The following KCNK13 variants were observed in gnomAD, a reference collection of about 807,000 sequenced individuals.
KCNK13 encodes potassium two pore domain channel subfamily K member 13, also known as potassium channel subfamily K member 13.
Under a neutral mutation model 23.4 loss-of-function variants are expected in KCNK13, and 12 were observed. The ratio of observed to expected loss-of-function variants is 0.51; its 90% CI spans 0.33 to 0.83. The LOEUF (loss-of-function observed/expected upper bound fraction) is 0.83, where lower values mean the gene tolerates loss of function less well. KCNK13 is among the 40% of genes least tolerant of loss of function. The pLI is 0.02. For missense variants in KCNK13, 463 were observed against 556.3 expected, an observed-to-expected ratio of 0.83 and a Z score of 1.69; for synonymous variants, 231 against 229.5, an observed-to-expected ratio of 1.01 and a Z score of -0.06.
chr14:90,130,452 G>A (rs1286796), intron 1 of KCNK13, among the ~76,000 whole-genome samples: 266 of 151,562 alleles, frequency 1.8e-3, no homozygotes, highest in African/African-American at 6.1e-3. Context: ...TGCCCGCCTC[G>A]GCCTCCCAAA....
At chr14:90,091,386 T>C (rs187821228) in intron 1 of KCNK13, among the ~76,000 whole-genome samples, 1 of 152,300 alleles carries the variant, frequency 6.6e-6, no homozygotes, top group East Asian at 1.9e-4. Flanking sequence ...GGTTTTCCTA[T>C]GGGAAATTAA....
chr14:90,169,719 G>T (rs987374624), intron 1 of KCNK13, among the ~76,000 whole-genome samples: 2 of 152,098 alleles, frequency 1.3e-5, no homozygotes, highest in Admixed American at 6.5e-5. Context: ...ATAACTCCTA[G>T]CATACATATC....
intron 1 of KCNK13, among the ~76,000 whole-genome samples, chr14:90,135,298 G>A (rs867080843): frequency 5.9e-5 from 9 of 152,250 alleles, no homozygotes; most frequent in South Asian, 2.1e-4. Context: ...GCCGTCAAGC[G>A]TCTCCTTGGG....
intron 1 of KCNK13, among the ~76,000 whole-genome samples, chr14:90,102,493 C>G (rs1295906382): frequency 6.6e-6 from 1 of 152,216 alleles, no homozygotes; most frequent in Non-Finnish European, 1.5e-5. Context: ...CACCCATCAT[C>G]TCAATCCCTA....
chr14:90,085,772 ATATATAT>A (rs1290548957), intron 1 of KCNK13, among the ~76,000 whole-genome samples: 64 of 116,848 alleles, frequency 5.5e-4, no homozygotes, highest in African/African-American at 1.9e-3. Context: ...TATATAAATT[ATATATAT>A]TATATATTAT....
rs532128506 is a variant in KCNK13, at chr14:90,063,630, C to T, written c.334+1091C>T. The stretch of plus-strand genomic sequence containing the variant: ...AACAGCCCAGGGTGCATGTGCTGAG[C>T]GCTCTGTAGCTACTGCCCCTGTGCA... On this transcript the variant is annotated intron_variant, in intron 1 of 1. Coordinates refer to ENST00000282146, the MANE Select transcript of KCNK13 (RefSeq NM_022054.4). Among the ~76,000 whole-genome samples the T allele has an allele frequency of 1.4e-4, 21 of 152,254 alleles. No homozygotes were observed. In the South Asian group the frequency reaches 3.1e-3, roughly 23 times the overall value.
chr14:90,098,139 A>G (rs2140404677), intron 1 of KCNK13, among the ~76,000 whole-genome samples: 1 of 152,352 alleles, frequency 6.6e-6, no homozygotes, highest in East Asian at 1.9e-4. Flanking sequence ...GGTTCCTCAT[A>G]GACTTTAAAA....
intron 1 of KCNK13, among the ~76,000 whole-genome samples, chr14:90,140,204 A>G (rs1889989110): frequency 6.6e-6 from 1 of 152,046 alleles, no homozygotes; most frequent in South Asian, 2.1e-4. Flanking sequence ...GAACAGGGAG[A>G]AAAACCACAC....
intron 1 of KCNK13, among the ~76,000 whole-genome samples, chr14:90,156,511 G>A (rs940512844): frequency 2.4e-4 from 37 of 152,160 alleles, no homozygotes; most frequent in Non-Finnish European, 7.3e-5. Context: ...GGTTTTGCAA[G>A]GGAGCAATTG....
intron 1 of KCNK13, among the ~76,000 whole-genome samples, chr14:90,148,369 C>G (rs1224646748): frequency 6.6e-6 from 1 of 152,230 alleles, no homozygotes; most frequent in East Asian, 1.9e-4. Context: ...GAGATCCTCT[C>G]CCTGCCTTCA....
intron 1 of KCNK13, among the ~76,000 whole-genome samples, chr14:90,085,595 G>C (rs1163824249): frequency 6.7e-6 from 1 of 149,714 alleles, no homozygotes; most frequent in Non-Finnish European, 1.5e-5. Flanking sequence ...GGAGGCGGAG[G>C]TTGCAGTGAG....
chr14:90,117,732 G>C (rs559359702), intron 1 of KCNK13, among the ~76,000 whole-genome samples: 1 of 152,342 alleles, frequency 6.6e-6, no homozygotes, highest in South Asian at 2.1e-4. Flanking sequence ...GTGGTACTTA[G>C]TACATTCACA....
At chr14:90,157,414 G>C (rs572345122) in intron 1 of KCNK13, among the ~76,000 whole-genome samples, 1 of 152,294 alleles carries the variant, frequency 6.6e-6, no homozygotes, top group African/African-American at 2.4e-5. Flanking sequence ...TAATCTTTTA[G>C]AGATGGAGTC....
At chr14:90,153,978 CT>C (rs1309952013) in intron 1 of KCNK13, among the ~76,000 whole-genome samples, 3 of 152,178 alleles carry the variant, frequency 2.0e-5, no homozygotes, top group African/African-American at 7.2e-5. Flanking sequence ...ATCTTGCCCC[CT>C]GATGTGGTTA....
chr14:90,150,436 G>A (rs1333543682), intron 1 of KCNK13, among the ~76,000 whole-genome samples: 1 of 152,164 alleles, frequency 6.6e-6, no homozygotes, highest in South Asian at 2.1e-4. Context: ...AACATAGCGA[G>A]ACCCTGTCCA....
intron 1 of KCNK13, among the ~76,000 whole-genome samples, chr14:90,180,237 TGAG>T (rs1362440264): frequency 6.6e-6 from 1 of 152,182 alleles, no homozygotes; most frequent in East Asian, 1.9e-4. Flanking sequence ...AGTGTGGGTG[TGAG>T]GAGTTGCTGA....
In KCNK13 at chr14:90,184,720, T is replaced by A; in HGVS notation, c.944T>A (p.Met315Lys). ...TTGCGATCACGCAGGAACGTGGTGA[T>A]GCCAGGCAGCGTCCGGAACCGCTGC... ...GLLRSRRNVV[M>K]PGSVRNRCNI... The change falls in exon 2 of 2, where the codon ATG becomes AAG. Residue 315 changes from methionine (M) to lysine (K), a missense_variant. Around this residue, in one of 3 missense-constraint regions of KCNK13, gnomAD observed 166 missense variants for 178.8 expected, o/e 0.93. Coordinates refer to ENST00000282146, the MANE Select transcript of KCNK13 (RefSeq NM_022054.4). The surrounding 1 kb of genome is among the most constrained non-coding windows in gnomAD (Gnocchi z 5.6). 1 of 1,614,196 alleles carries A rather than the reference T, an allele frequency of 6.2e-7. No individual in the cohort carries two copies. The highest frequency in any genetic ancestry group is 8.5e-7 in the Non-Finnish European group (1 of 1,180,048).
chr14:90,168,329 C>G (rs772197875), intron 1 of KCNK13, among the ~76,000 whole-genome samples: 1 of 151,976 alleles, frequency 6.6e-6, no homozygotes, highest in African/African-American at 2.4e-5. Flanking sequence ...TGAGGTCACA[C>G]CACTGCACTT....
intron 1 of KCNK13, among the ~76,000 whole-genome samples, chr14:90,064,220 T>G (rs1596761357): frequency 6.6e-6 from 1 of 152,224 alleles, no homozygotes; most frequent in East Asian, 1.9e-4. Context: ...TTGACTCTAC[T>G]GTGTTTGCAT....
Sources: gnomAD v4.1 joint callset for allele counts (sites outside exome capture counted in the v4.1 genomes callset) on GRCh38, gnomAD v4.1.1 for gene constraint, gnomAD v4.1.1 regional missense constraint, Gnocchi (gnomAD v3.1) non-coding constraint, MANE v1.5 for transcripts, NCBI Gene and HGNC (gene_info 2026-07-23, HGNC 2026-07-21) for gene names.